Variants in RAPGEF2 observed in about 807,000 individuals in gnomAD.
RAPGEF2 encodes the protein Rap guanine nucleotide exchange factor 2.
RAPGEF2 carries 54 observed loss-of-function variants against 186.7 expected under a neutral mutation model. The observed-to-expected ratio is 0.29, with a 90% confidence interval of 0.23 to 0.36. The LOEUF is 0.36. Ranked by LOEUF, RAPGEF2 falls within the 10% of genes least tolerant of loss-of-function variation. The pLI is 1.00. For synonymous variants in RAPGEF2, 712 were observed against 705.9 expected (o/e 1.01, Z -0.14); for missense variants, 1,532 against 2,045.0 (o/e 0.75, Z 4.84).
intron 7 of RAPGEF2, among the ~76,000 whole-genome samples, chr4:159,300,497 T>G (rs1194841104): frequency 6.6e-6 from 1 of 152,062 alleles, no homozygotes; most frequent in Admixed American, 6.5e-5. Context: ...AAAAGATTCC[T>G]TGGAATTGTG....
Position 159,251,096 on chromosome 4 carries a change from G to A in RAPGEF2, c.543+7305G>A, listed in dbSNP as rs986365618. ...CAGCTGTGGAGGGTGCGCCGGGTTC[G>A]CCAGCACTGCCAGCTGGCCCGCCTG... On this transcript the variant is annotated intron_variant, in intron 7 of 29. Coordinates refer to ENST00000691494, the MANE Select transcript of RAPGEF2 (RefSeq NM_001394067.2). 3.9e-5 allele frequency among the ~76,000 whole-genome samples: 6 copies of A among 152,178 alleles called. No individual in the cohort carries two copies. In the East Asian group the frequency reaches 5.8e-4, roughly 15 times the overall value.
chr4:159,341,783 G>A lies in RAPGEF2; in HGVS notation c.2754G>A (p.Leu918=), dbSNP rs1303286899. 1.9e-6 allele frequency: 3 copies of A among 1,613,900 alleles called. No homozygotes were observed. In the African/African-American group the frequency reaches 4.0e-5, roughly 22 times the overall value. The part of the protein sequence containing the change: ...KLRSKTSCAN[L]KRFEEVINQE... ...GATCAAAAACCAGCTGTGCCAACCT[G>A]AAGAGATTTGAAGAAGTCATTAACC... The change falls in exon 20 of 30, where the codon CTG becomes CTA. Residue 918 remains leucine (L), a synonymous_variant. Coordinates refer to ENST00000691494, the MANE Select transcript of RAPGEF2 (RefSeq NM_001394067.2).
At chr4:159,266,359 A>G (rs1403531433) in intron 7 of RAPGEF2, among the ~76,000 whole-genome samples, 1 of 152,166 alleles carries the variant, frequency 6.6e-6, no homozygotes, top group Non-Finnish European at 1.5e-5. Flanking sequence ...TAAAAATGCT[A>G]CATTTTCTGT....
At chr4:159,174,691 C>T (rs1346141504) in intron 1 of RAPGEF2, among the ~76,000 whole-genome samples, 4 of 151,428 alleles carry the variant, frequency 2.6e-5, no homozygotes, top group African/African-American at 9.7e-5. Context: ...AAGTTTTAGA[C>T]AAACAGGGAA....
At chr4:159,116,951 A>T (rs1739117385) in intron 1 of RAPGEF2, among the ~76,000 whole-genome samples, 1 of 152,140 alleles carries the variant, frequency 6.6e-6, no homozygotes, top group African/African-American at 2.4e-5. Flanking sequence ...TGATGGTTTG[A>T]TGGGTGCAGC....
chr4:159,353,920 G>C lies in RAPGEF2; in HGVS notation c.4525G>C (p.Gly1509Arg). 6.2e-7 allele frequency: 1 copy of C among 1,614,184 alleles called. No individual in the cohort carries two copies. Among genetic ancestry groups the C allele is most frequent in the South Asian group, 1.1e-5 (1 of 91,084 alleles). ...EGDTGTIKRR[G>R]GKDVSIEAES... ...TGACACAGGCACAATAAAGCGGAGG[G>C]GTGGAAAGGATGTTTCCATTGAAGC... The change falls in exon 28 of 30, where the codon GGT (glycine) becomes CGT (arginine). Residue 1509 changes from glycine to arginine, a missense_variant. Gly to Arg is a moderately radical substitution (Grantham distance 125). This residue lies in a region of RAPGEF2 where 594 missense variants were observed against 608.5 expected (regional missense o/e 0.98). Transcript: ENST00000691494. This position sits in a 1 kb window ranked among gnomAD's most constrained non-coding sequence, Gnocchi z 4.3.
chr4:159,114,393 C>T (rs766557533), intron 1 of RAPGEF2, among the ~76,000 whole-genome samples: 1 of 151,896 alleles, frequency 6.6e-6, no homozygotes, highest in African/African-American at 2.4e-5. Flanking sequence ...TGAGCCACTG[C>T]GCCCGGCCCT....
chr4:159,141,689 G>A lies in RAPGEF2; in HGVS notation c.69+37458G>A, dbSNP rs191626426. 1.8e-3 allele frequency among the ~76,000 whole-genome samples: 281 copies of A among 152,226 alleles called. 2 individuals are homozygous for A. The highest frequency in any genetic ancestry group is 3.1e-3 in the Admixed American group (47 of 15,282). On this transcript the variant is annotated intron_variant, in intron 1 of 29. Coordinates refer to ENST00000691494, the MANE Select transcript of RAPGEF2 (RefSeq NM_001394067.2). ...TATTTCCACCAACAGTGTATAAAAA[G>A]TCCATGCCAGCGATGGATTTTCATT...
intron 1 of RAPGEF2, among the ~76,000 whole-genome samples, chr4:159,120,997 G>A (rs1210763878): frequency 6.6e-6 from 1 of 151,930 alleles, no homozygotes; most frequent in East Asian, 1.9e-4. Context: ...TGGGACTATC[G>A]GCACCCACCA....
At chr4:159,237,842 TAAAAAAAAAA>T (rs58593781) in intron 4 of RAPGEF2, among the ~76,000 whole-genome samples, 1,860 of 66,966 alleles carry the variant, frequency 0.028, 60 homozygotes, top group African/African-American at 0.092. Flanking sequence ...CTACAAAAAT[TAAAAAAAAAA>T]AAAAAAAAAA....
intron 8 of RAPGEF2, among the ~76,000 whole-genome samples, chr4:159,309,705 G>C (rs1483813066): frequency 6.6e-6 from 1 of 152,186 alleles, no homozygotes; most frequent in Non-Finnish European, 1.5e-5. Flanking sequence ...GCCATGATAA[G>C]GTCCTGGTTA....
intron 7 of RAPGEF2, among the ~76,000 whole-genome samples, chr4:159,269,208 G>GTT (rs1757801616): frequency 6.6e-6 from 1 of 152,112 alleles, no homozygotes; most frequent in Non-Finnish European, 1.5e-5. Context: ...GTACAATTTG[G>GTT]TTTTGTTCAT....
chr4:159,180,462 A>G (rs755709250), intron 1 of RAPGEF2, among the ~76,000 whole-genome samples: 4 of 152,152 alleles, frequency 2.6e-5, no homozygotes, highest in Non-Finnish European at 5.9e-5. Context: ...CATGGAGTCT[A>G]TCTGTAAAGC....
intron 23 of RAPGEF2, among the ~76,000 whole-genome samples, chr4:159,344,821 C>T (rs1730057219): frequency 6.6e-6 from 1 of 152,146 alleles, no homozygotes; most frequent in Non-Finnish European, 1.5e-5. Context: ...TGTTTTCTGG[C>T]ACCTGTGAGA....
chr4:159,154,896 C>T (rs576874466), intron 1 of RAPGEF2, among the ~76,000 whole-genome samples: 27 of 152,146 alleles, frequency 1.8e-4, no homozygotes, highest in African/African-American at 4.6e-4. Flanking sequence ...GAGGATAATC[C>T]GTGTACCATA....
chr4:159,127,886 G>A (rs1003377661), intron 1 of RAPGEF2, among the ~76,000 whole-genome samples: 5 of 152,168 alleles, frequency 3.3e-5, no homozygotes, highest in Non-Finnish European at 7.4e-5. Context: ...TTAGAAAATT[G>A]CCTGGTTAGG....
chr4:159,341,942 C>T lies in RAPGEF2; in HGVS notation c.2913C>T (p.Ile971=), dbSNP rs1247435988. The T allele has an allele frequency of 6.3e-7, 1 of 1,589,886 alleles. No individual in the cohort carries two copies. The highest frequency in any genetic ancestry group is 8.5e-7 in the Non-Finnish European group (1 of 1,169,692). ...AGAATTTTAACTCAATGTTTGCAATCATCAGGTAAGAGAGCACATTTTTTC... is the reference window on the plus strand; with the variant it reads ...AGAATTTTAACTCAATGTTTGCAATTATCAGGTAAGAGAGCACATTTTTTC... ...ECKNFNSMFA[I]ISGLNLAPVA... is the part of the protein sequence containing the mutation. The change falls in exon 20 of 30, where the codon ATC becomes ATT. Residue 971 remains isoleucine (I), a synonymous_variant. Coordinates refer to ENST00000691494, the MANE Select transcript of RAPGEF2 (RefSeq NM_001394067.2).
chr4:159,252,893 CCA>C (rs1165148226), intron 7 of RAPGEF2, among the ~76,000 whole-genome samples: 3 of 152,060 alleles, frequency 2.0e-5, no homozygotes, highest in Non-Finnish European at 4.4e-5. Flanking sequence ...AAATATGTAT[CCA>C]TTGATTAACT....
chr4:159,181,017 T>G (rs1237910299), intron 1 of RAPGEF2, among the ~76,000 whole-genome samples: 1 of 152,240 alleles, frequency 6.6e-6, no homozygotes, highest in Non-Finnish European at 1.5e-5. Context: ...TACATTCATA[T>G]TCAAAATTGT....
Sources: allele counts gnomAD v4.1 joint callset (sites outside exome capture counted in the v4.1 genomes callset), GRCh38; gene constraint gnomAD v4.1.1; regional missense constraint gnomAD v4.1.1; non-coding constraint Gnocchi (gnomAD v3.1); transcripts MANE v1.5; gene names NCBI Gene and HGNC (gene_info 2026-07-23, HGNC 2026-07-21).